Variants in CUBN observed in about 807,000 individuals in gnomAD.
CUBN encodes the protein 460 kDa receptor.
A neutral mutation model predicts 405.3 loss-of-function variants in CUBN; 282 were observed. The observed-to-expected ratio is 0.70, with a 90% CI of 0.63 to 0.77. The LOEUF (loss-of-function observed/expected upper bound fraction) is 0.77. CUBN is among the 30% of genes least tolerant of loss of function. The pLI is 0.00. For missense variants in CUBN, 4,514 were observed against 4,475.2 expected, an observed-to-expected ratio of 1.01 and a Z score of -0.25; for synonymous variants, 1,684 against 1,617.0, an observed-to-expected ratio of 1.04 and a Z score of -0.99.
chr10:16,963,744 G>A (rs539606836), intron 31 of CUBN, among the ~76,000 whole-genome samples: 25 of 152,290 alleles, frequency 1.6e-4, no homozygotes, highest in Non-Finnish European at 3.2e-4. Context: ...AGATCTGTAT[G>A]CATTACAATG....
chr10:17,089,480 T>C (rs115827745), intron 14 of CUBN, among the ~76,000 whole-genome samples: 3,604 of 152,264 alleles, frequency 0.024, 144 homozygotes, highest in African/African-American at 0.08. Flanking sequence ...CAGATGTCTC[T>C]TAAACATATG....
intron 22 of CUBN, among the ~76,000 whole-genome samples, chr10:17,062,863 C>T (rs1357882577): frequency 1.3e-5 from 2 of 152,218 alleles, no homozygotes; most frequent in Non-Finnish European, 2.9e-5. Flanking sequence ...TCTGTTAGAA[C>T]AATAAAGTAA....
At chr10:16,862,113 C>A (rs1030859619) in intron 59 of CUBN, among the ~76,000 whole-genome samples, 1 of 151,830 alleles carries the variant, frequency 6.6e-6, no homozygotes, top group Admixed American at 6.6e-5. Context: ...CACGCCATTG[C>A]ACTCCAGCCT....
At position 16,984,143 on chromosome 10, in the gene CUBN, C is replaced by T. The variant is rs371125320; in HGVS notation, c.4487G>A (p.Gly1496Glu). The T allele has an allele frequency of 5.6e-6, 9 of 1,614,020 alleles. No individual in the cohort carries two copies. In the African/African-American group the frequency reaches 1.1e-4, roughly 19 times the overall value. Residue 1496 changes from glycine (G) to glutamate (E), a missense_variant, in exon 30 of 67, where the codon GGG becomes GAG. Gly to Glu is a moderately conservative substitution (Grantham distance 98, BLOSUM62 -2). Around this residue, in one of 5 missense-constraint regions of CUBN, gnomAD observed 1,613 missense variants for 1,542.8 expected, o/e 1.05. Coordinates refer to ENST00000377833, the MANE Select transcript of CUBN (RefSeq NM_001081.4). ...IRFKTDLSIN[G>E]RGFNASWQAV... is the part of the protein sequence containing the mutation. ...TTGCCATGACGCATTGAAGCCTCTCCCATTTATGGACAAGTCGGTCTTGAA... is the reference window on the plus strand; with the variant it reads ...TTGCCATGACGCATTGAAGCCTCTCTCATTTATGGACAAGTCGGTCTTGAA...
intron 14 of CUBN, among the ~76,000 whole-genome samples, chr10:17,095,401 A>G (rs1343233905): frequency 5.9e-5 from 9 of 152,052 alleles, no homozygotes; most frequent in African/African-American, 1.7e-4. Flanking sequence ...ACTCAACTCA[A>G]TATCAACAAA....
chr10:16,868,714 G>C (rs1292215079), intron 59 of CUBN, among the ~76,000 whole-genome samples: 1 of 152,082 alleles, frequency 6.6e-6, no homozygotes, highest in African/African-American at 2.4e-5. Context: ...CTCACATGCA[G>C]TGGGAGTAAT....
chr10:17,103,228 T>C lies in CUBN; in HGVS notation c.1427A>G (p.Glu476Gly), dbSNP rs756449782. Residue 476 changes from glutamate (E) to glycine (G), a missense_variant, in exon 13 of 67, where the codon GAG becomes GGG. Physicochemically the swap from Glu to Gly is moderately conservative, Grantham distance 98. Around this residue, in one of 5 missense-constraint regions of CUBN, gnomAD observed 1,448 missense variants for 1,388.0 expected, o/e 1.04. Transcript: ENST00000377833. ...GCTTCCATTTATTCCTGAGAGGGAC[T>C]CTCCACAAACTGCAAAGGAAAAGAT... ...LCQVPQQVCG[E>G]SLSGINGSFS... The C allele has an allele frequency of 9.0e-5, 144 of 1,607,422 alleles. No homozygotes were observed. The highest frequency in any genetic ancestry group is 1.2e-4 in the Non-Finnish European group (139 of 1,174,084).
intron 43 of CUBN, among the ~76,000 whole-genome samples, chr10:16,923,912 A>C (rs540377257): frequency 6.6e-6 from 1 of 152,198 alleles, no homozygotes; most frequent in Non-Finnish European, 1.5e-5. Flanking sequence ...TGTTTACCAA[A>C]AGTACAAAAA....
At chr10:16,869,410 C>T (rs1021068092) in intron 59 of CUBN, among the ~76,000 whole-genome samples, 1 of 151,910 alleles carries the variant, frequency 6.6e-6, no homozygotes, top group Admixed American at 6.6e-5. Context: ...GGTGATCCAC[C>T]CGCCTCAACC....
chr10:16,954,283 G>C, intron 32 of CUBN, 106 bp downstream of exon 32: 1 of 1,267,934 alleles, frequency 7.9e-7, no homozygotes, highest in African/African-American at 1.5e-5. Flanking sequence ...TACATGTTAA[G>C]TAGAAGGCTG....
chr10:17,093,541 T>C (rs1836310032), intron 14 of CUBN, among the ~76,000 whole-genome samples: 1 of 152,122 alleles, frequency 6.6e-6, no homozygotes, highest in African/African-American at 2.4e-5. Context: ...GAAAGTGATC[T>C]GCCAGGAACA....
At chr10:17,059,284 G>A (rs1835455935) in intron 22 of CUBN, among the ~76,000 whole-genome samples, 2 of 151,974 alleles carry the variant, frequency 1.3e-5, no homozygotes, top group African/African-American at 4.8e-5. Context: ...ATTATCAAAG[G>A]GGAAAATGAG....
intron 27 of CUBN, among the ~76,000 whole-genome samples, chr10:17,028,442 C>T (rs564981409): frequency 2.6e-5 from 4 of 151,838 alleles, no homozygotes; most frequent in Non-Finnish European, 5.9e-5. Flanking sequence ...AAGAGCCTGC[C>T]GGGTGCGATG....
chr10:17,128,773 A>T (rs1329619858), intron 2 of CUBN, among the ~76,000 whole-genome samples: 1 of 152,210 alleles, frequency 6.6e-6, no homozygotes, highest in Non-Finnish European at 1.5e-5. Context: ...GAGGCTGAAG[A>T]CAGGTTGATT....
chr10:16,831,740 G>A (rs1481666365), intron 64 of CUBN, among the ~76,000 whole-genome samples: 2 of 152,156 alleles, frequency 1.3e-5, no homozygotes, highest in East Asian at 1.9e-4. Flanking sequence ...AAACATTCTG[G>A]AGAATGTAGG....
intron 39 of CUBN, among the ~76,000 whole-genome samples, chr10:16,935,047 C>T (rs1303885193): frequency 6.6e-6 from 1 of 152,206 alleles, no homozygotes; most frequent in East Asian, 1.9e-4. Context: ...TTTTTCTTCC[C>T]TTGCTTATTT....
chr10:17,031,793 T>C (rs1834795243), intron 27 of CUBN, among the ~76,000 whole-genome samples: 1 of 152,174 alleles, frequency 6.6e-6, no homozygotes, highest in South Asian at 2.1e-4. Context: ...ACCAAGCAAT[T>C]TGGAAATTGA....
Position 16,836,312 on chromosome 10 carries a change from A to C in CUBN, c.10103T>G (p.Met3368Arg). Residue 3368 changes from methionine to arginine, a missense_variant, in exon 63 of 67, where the codon ATG becomes AGG. Physicochemically the swap from Met to Arg is moderately conservative, Grantham distance 91 (BLOSUM62 -1). This residue lies in a region of CUBN where 1,186 missense variants were observed against 1,186.9 expected (regional missense o/e 1.00). Coordinates refer to ENST00000377833, the MANE Select transcript of CUBN (RefSeq NM_001081.4). Reference protein sequence around the residue: ...ASAVPVFYSSMSTAMVIFKSG... With the variant: ...ASAVPVFYSSRSTAMVIFKSG... The stretch of plus-strand genomic sequence containing the variant: ...TTTGAAAATGACCATTGCAGTACTC[A>C]TAGAAGAATAAAACACTGGCACAGC... The C allele has an allele frequency of 6.2e-7, 1 of 1,613,618 alleles. No homozygotes were observed. The highest frequency in any genetic ancestry group is 8.5e-7 in the Non-Finnish European group (1 of 1,179,466).
intron 28 of CUBN, among the ~76,000 whole-genome samples, chr10:17,014,560 G>A (rs1834276467): frequency 6.6e-6 from 1 of 152,118 alleles, no homozygotes; most frequent in Admixed American, 6.5e-5. Flanking sequence ...CCTTGCTGAG[G>A]GCCCTGGTCC....
Sources: allele counts gnomAD v4.1 joint callset (sites outside exome capture counted in the v4.1 genomes callset), GRCh38; gene constraint gnomAD v4.1.1; regional missense constraint gnomAD v4.1.1; transcripts MANE v1.5; gene names NCBI Gene and HGNC (gene_info 2026-07-23, HGNC 2026-07-21).